Variants in CILK1 observed in about 807,000 individuals in gnomAD.
CILK1 encodes ciliogenesis associated kinase 1.
CILK1 carries 47 observed loss-of-function variants against 79.2 expected under a neutral mutation model. The observed-to-expected ratio is 0.59, with a 90% CI of 0.47 to 0.76. CILK1 has a LOEUF of 0.76. CILK1 is among the 30% of genes least tolerant of loss of function. The pLI, the probability that CILK1 is intolerant of heterozygous loss-of-function variation, is 0.00. For missense variants in CILK1, 660 were observed against 769.5 expected, an observed-to-expected ratio of 0.86 and a Z score of 1.68; for synonymous variants, 266 against 275.9, an observed-to-expected ratio of 0.96 and a Z score of 0.36.
chr6:53,053,966 G>C (rs1229005704), intron 1 of CILK1, among the ~76,000 whole-genome samples: 1 of 151,922 alleles, frequency 6.6e-6, no homozygotes, highest in Non-Finnish European at 1.5e-5. Flanking sequence ...CTGTGACTCT[G>C]TATCAGGAAT....
intron 8 of CILK1, among the ~76,000 whole-genome samples, chr6:53,014,712 G>C (rs1764791659): frequency 6.6e-6 from 1 of 152,102 alleles, no homozygotes; most frequent in Admixed American, 6.5e-5. Flanking sequence ...CAATTAATGG[G>C]AATAGCCTGG....
At chr6:53,050,530 T>C (rs1178711093) in intron 1 of CILK1, among the ~76,000 whole-genome samples, 1 of 151,574 alleles carries the variant, frequency 6.6e-6, no homozygotes, top group Non-Finnish European at 1.5e-5. Flanking sequence ...ATATTTATTT[T>C]ATAAAATTAT....
intron 1 of CILK1, among the ~76,000 whole-genome samples, chr6:53,058,296 G>A (rs558740689): frequency 1.7e-4 from 26 of 152,248 alleles, no homozygotes; most frequent in African/African-American, 6.0e-4. Context: ...GTAGGCCTGA[G>A]CTGCTGCTTT....
rs572070145 is a variant in CILK1, at chr6:53,021,375, A to G, written c.359-2016T>C. ...GTAAATCTCATATCTGTCTCTTTCT[A>G]CTTTCTCACTGCCTATGCCTGCATT... On this transcript the variant is annotated intron_variant, in intron 5 of 13. Transcript: ENST00000676107. 5.9e-5 allele frequency among the ~76,000 whole-genome samples: 9 copies of G among 152,074 alleles called. No individual in the cohort carries two copies. In the East Asian group the frequency reaches 1.5e-3, roughly 26 times the overall value.
intron 11 of CILK1, 115 bp downstream of exon 11, chr6:53,011,654 T>C: frequency 9.8e-7 from 1 of 1,016,904 alleles, no homozygotes. Flanking sequence ...TCCCCTCAGT[T>C]CTGAAGGGAA....
intron 9 of CILK1, among the ~76,000 whole-genome samples, chr6:53,012,649 T>C (rs148821474): frequency 8.8e-4 from 134 of 152,308 alleles, no homozygotes; most frequent in African/African-American, 2.7e-3. Context: ...CTTCTCAGTA[T>C]ATATAGTTAC....
chr6:53,005,093 C>T lies in CILK1; in HGVS notation c.*56G>A. 1.2e-6 allele frequency: 2 copies of T among 1,603,808 alleles called. No homozygotes were observed. Among genetic ancestry groups the T allele is most frequent in the Non-Finnish European group, 1.7e-6 (2 of 1,172,484 alleles). On this transcript the variant is annotated 3_prime_UTR_variant, in exon 14 of 14. Coordinates refer to ENST00000676107, the MANE Select transcript of CILK1 (RefSeq NM_014920.5). ...ATCTTGCAGGTAGAACACCAGTCAG[C>T]TGAGGGAAAGTATCCTGCTTCTCCC...
intron 6 of CILK1, 50 bp from the exon 7 acceptor site, chr6:53,018,551 T>C (rs1292242907): frequency 1.9e-6 from 3 of 1,543,380 alleles, no homozygotes; most frequent in Non-Finnish European, 2.7e-6. Flanking sequence ...CACTCAGACA[T>C]TAAATTAAAT....
chr6:53,027,418 T>G (rs1315805524), intron 5 of CILK1, among the ~76,000 whole-genome samples: 1 of 152,166 alleles, frequency 6.6e-6, no homozygotes, highest in Non-Finnish European at 1.5e-5. Flanking sequence ...TAGAGCTGTG[T>G]TTTCATTCCC....
At position 53,016,205 on chromosome 6, in the gene CILK1, G is replaced by A. The variant is rs768911321; in HGVS notation, c.709C>T (p.Arg237Cys). Reference sequence around the variant, plus strand: ...TTATTGGGTACACACTGTGGCCAACGGAAGTTCATTGCACTTGAAAGTTGA... The same window carrying A: ...TTATTGGGTACACACTGTGGCCAACAGAAGTTCATTGCACTTGAAAGTTGA... ...GYQLSSAMNF[R>C]WPQCVPNNLK... The change falls in exon 8 of 14, where the codon CGT becomes TGT. Residue 237 changes from arginine (R) to cysteine (C), a missense_variant. Transcript: ENST00000676107. The A allele has an allele frequency of 2.7e-5, 43 of 1,613,944 alleles. No individual in the cohort carries two copies. The highest frequency in any genetic ancestry group is 6.6e-5 in the South Asian group (6 of 91,084).
intron 4 of CILK1, among the ~76,000 whole-genome samples, chr6:53,031,927 A>G (rs910060494): frequency 6.6e-6 from 1 of 152,088 alleles, no homozygotes; most frequent in African/African-American, 2.4e-5. Context: ...TCTGCCTCCC[A>G]TGTTCAAGTG....
chr6:53,002,147 G>C lies in CILK1; in HGVS notation c.*3002C>G, dbSNP rs1293374751. The C allele has an allele frequency of 6.6e-6, 1 of 152,182 alleles. No homozygotes were observed. Among genetic ancestry groups the C allele is most frequent in the Non-Finnish European group, 1.5e-5 (1 of 68,038 alleles). The allele number at this position is 152,182 out of a possible 1,614,324, so 9.4% of individuals were successfully genotyped here. A position where few individuals can be genotyped will look rare whatever the true frequency, so the allele number is the denominator to read the frequency against. ...ATAAATCCTATCACACATGGGCTGG[G>C]TGAGGGCTTGGTAATTAATGGAATT... On this transcript the variant is annotated 3_prime_UTR_variant, in exon 14 of 14. Transcript: ENST00000676107.
In CILK1 at chr6:53,002,321, C is replaced by T. The variant is rs558035978; in HGVS notation, c.*2828G>A. The T allele has an allele frequency of 6.6e-6, 1 of 152,300 alleles. No homozygotes were observed. Among genetic ancestry groups the T allele is most frequent in the South Asian group, 2.1e-4 (1 of 4,820 alleles). The allele number at this position is 152,300 out of a possible 1,614,324, so 9.4% of individuals were successfully genotyped here. On this transcript the variant is annotated 3_prime_UTR_variant, in exon 14 of 14. Coordinates refer to ENST00000676107, the MANE Select transcript of CILK1 (RefSeq NM_014920.5). Reference sequence around the variant, plus strand: ...TCTCATTTCGGCACGAAATGAGAACCAACCCTGTATCATTTCCTGACATCC... The same window carrying T: ...TCTCATTTCGGCACGAAATGAGAACTAACCCTGTATCATTTCCTGACATCC...
At chr6:53,016,319 G>T (rs1764893968) in intron 7 of CILK1, 69 bp from the exon 8 acceptor site, 1 of 1,525,454 alleles carries the variant, frequency 6.6e-7, no homozygotes, top group Non-Finnish European at 9.1e-7. Context: ...ATTCTGGCAT[G>T]TGTGCCCCAA....
chr6:53,059,572 A>G (rs959224871), intron 1 of CILK1, among the ~76,000 whole-genome samples: 1 of 152,230 alleles, frequency 6.6e-6, no homozygotes, highest in Non-Finnish European at 1.5e-5. Flanking sequence ...TAGGGAAAGC[A>G]CTATGAGCAG....
chr6:53,057,577 T>G (rs552937554), intron 1 of CILK1, among the ~76,000 whole-genome samples: 95 of 137,042 alleles, frequency 6.9e-4, no homozygotes, highest in African/African-American at 2.4e-3. Flanking sequence ...TTATCTTTTA[T>G]AGCAGCCATG....
chr6:53,058,596 T>C (rs1251990036), intron 1 of CILK1, among the ~76,000 whole-genome samples: 1 of 152,032 alleles, frequency 6.6e-6, no homozygotes, highest in African/African-American at 2.4e-5. Context: ...ACATCAACCA[T>C]AAACACTGAG....
At chr6:53,018,619 T>C (rs1475475880) in intron 6 of CILK1, 118 bp from the exon 7 acceptor site, 1 of 1,004,952 alleles carries the variant, frequency 1.0e-6, no homozygotes, top group African/African-American at 1.6e-5. Context: ...TAGTTCACTG[T>C]GGTGTAATGG....
At chr6:53,020,543 T>C (rs910604100) in intron 5 of CILK1, among the ~76,000 whole-genome samples, 1 of 152,296 alleles carries the variant, frequency 6.6e-6, no homozygotes, top group South Asian at 2.1e-4. Context: ...CATAAAGAAA[T>C]TGCTTACTGC....
Sources: allele counts gnomAD v4.1 joint callset (sites outside exome capture counted in the v4.1 genomes callset), GRCh38; gene constraint gnomAD v4.1.1; transcripts MANE v1.5; gene names NCBI Gene and HGNC (gene_info 2026-07-23, HGNC 2026-07-21).